Variants in MACF1 observed in about 807,000 individuals in gnomAD.
MACF1 encodes microtubule actin crosslinking factor 1.
A neutral mutation model predicts 854.8 loss-of-function variants in MACF1; 193 were observed. The observed-to-expected ratio is 0.23, with a 90% confidence interval of 0.20 to 0.25. The LOEUF (loss-of-function observed/expected upper bound fraction) is 0.25, where lower values mean the gene tolerates loss of function less well. Among genes scored for constraint, MACF1 ranks in the 10% least tolerant of loss-of-function variants. The pLI, the probability that MACF1 is intolerant of heterozygous loss-of-function variation, is 1.00. For missense variants in MACF1, 7,722 were observed against 8,929.1 expected (o/e 0.86, Z 5.45); for synonymous variants, 3,185 against 3,226.7 (o/e 0.99, Z 0.44).
chr1:39,387,871 A>G lies in MACF1; in HGVS notation c.15029A>G (p.Gln5010Arg). The G allele has an allele frequency of 6.2e-7, 1 of 1,614,096 alleles. No individual in the cohort carries two copies. The highest frequency in any genetic ancestry group is 1.1e-5 in the South Asian group (1 of 91,080). Residue 5010 changes from glutamine to arginine, a missense_variant, in exon 58 of 101, where the codon CAG (glutamine) becomes CGG (arginine). Gln to Arg is a conservative substitution (Grantham distance 43). Coordinates refer to ENST00000564288, the MANE Select transcript of MACF1 (RefSeq NM_001394062.1). Reference protein sequence around the residue: ...AKTGSLEEMTQRLREFQESFK... With the variant: ...AKTGSLEEMTRRLREFQESFK... ...ACAGGGTCACTCGAAGAAATGACTC[A>G]GAGGCTCAGGGAGTTCCAGGAAAGC...
intron 2 of MACF1, chr1:39,102,937 A>G (rs1454843359): frequency 1.0e-5 from 7 of 701,604 alleles, no homozygotes; most frequent in East Asian, 2.7e-5. Flanking sequence ...TTGTTCCTCT[A>G]GCCTTGTAAA....
At chr1:39,104,873 G>T (rs1296840580) in intron 2 of MACF1, among the ~76,000 whole-genome samples, 1 of 152,200 alleles carries the variant, frequency 6.6e-6, no homozygotes, top group Non-Finnish European at 1.5e-5. Flanking sequence ...CTAGCCCTGG[G>T]ATCTGAGGCA....
At chr1:39,211,140 G>A (rs1644510512) in intron 1 of MACF1, among the ~76,000 whole-genome samples, 1 of 151,956 alleles carries the variant, frequency 6.6e-6, no homozygotes, top group Non-Finnish European at 1.5e-5. Context: ...TTTAATTTTT[G>A]TATTTTTAGT....
intron 2 of MACF1, among the ~76,000 whole-genome samples, chr1:39,237,760 G>A (rs1169928805): frequency 1.3e-5 from 2 of 151,226 alleles, no homozygotes; most frequent in Admixed American, 6.6e-5. Context: ...TTAAACGTAA[G>A]GTAAACTCCA....
chr1:39,320,263 C>T (rs1042030555), intron 31 of MACF1, among the ~76,000 whole-genome samples: 1 of 152,146 alleles, frequency 6.6e-6, no homozygotes, highest in Non-Finnish European at 1.5e-5. Context: ...ACTACAGTAC[C>T]CTCTGAGCTG....
chr1:39,180,584 C>CCAGCCTGGGCAA (rs1301857641), intron 2 of MACF1, among the ~76,000 whole-genome samples: 2 of 152,182 alleles, frequency 1.3e-5, no homozygotes, highest in African/African-American at 4.8e-5. Context: ...CCACTAGACT[C>CCAGCCTGGGCAA]CAGCCTGGGC....
chr1:39,410,531 A>C, intron 58 of MACF1: 1 of 1,614,040 alleles, frequency 6.2e-7, no homozygotes, highest in Non-Finnish European at 8.5e-7. Flanking sequence ...AGAGCACCAG[A>C]AGGTAAGAAG....
intron 84 of MACF1, among the ~76,000 whole-genome samples, chr1:39,450,489 A>G (rs1205260040): frequency 6.6e-6 from 1 of 151,910 alleles, no homozygotes; most frequent in Non-Finnish European, 1.5e-5. Flanking sequence ...CCTGTGTGTC[A>G]CTGGGCTATA....
rs375989194 is a variant in MACF1, at chr1:39,441,128, G to A, written c.18570+3G>A. 2 of 1,614,224 alleles carry A rather than the reference G, an allele frequency of 1.2e-6. No individual in the cohort carries two copies. Among genetic ancestry groups the A allele is most frequent in the Non-Finnish European group, 8.5e-7 (1 of 1,180,040 alleles). The stretch of plus-strand genomic sequence containing the variant: ...AAGTGAGGAAGAGCATTGATGAGGT[G>A]TGGAGAAATGGATGAGGCACTCAGT... On this transcript the variant is annotated splice_donor_region_variant and intron_variant, in intron 73 of 100. Transcript: ENST00000564288.
intron 49 of MACF1, among the ~76,000 whole-genome samples, chr1:39,363,864 G>A (rs546420487): frequency 3.9e-5 from 6 of 151,980 alleles, no homozygotes; most frequent in South Asian, 4.1e-4. Context: ...TGCCCGCCTC[G>A]GCCTCCCAAA....
rs1646412891 is a variant in MACF1, at chr1:39,316,404, G to T, written c.3463G>T (p.Asp1155Tyr). The T allele has an allele frequency of 6.2e-7, 1 of 1,610,858 alleles. No individual in the cohort carries two copies. The highest frequency in any genetic ancestry group is 1.3e-5 in the African/African-American group (1 of 74,824). The change falls in exon 28 of 101, where the codon GAT (aspartate) becomes TAT (tyrosine). Residue 1155 changes from aspartate to tyrosine, a missense_variant. Around this residue, in one of 15 missense-constraint regions of MACF1, gnomAD observed 1,137 missense variants for 1,263.0 expected, o/e 0.90. Transcript: ENST00000564288. ...TTGTCCCCACAGGTTAAAGACAGTT[G>T]ATGTTATAGTACGTAGCATACAGGA... is the stretch of plus-strand genomic sequence containing the variant. ...TVYLNKLKTV[D>Y]VIVRSIQDAE...
intron 58 of MACF1, among the ~76,000 whole-genome samples, chr1:39,399,750 C>T (rs1250376044): frequency 2.0e-5 from 3 of 152,154 alleles, no homozygotes; most frequent in African/African-American, 7.2e-5. Flanking sequence ...ACTCACTTGG[C>T]TTTTATCACA....
Position 39,448,690 on chromosome 1 carries a change from A to G in MACF1, c.20185A>G (p.Ser6729Gly), listed in dbSNP as rs775557205. Reference protein sequence around the residue: ...LKEKTLLPEDSQKLDNFLGEV... With the variant: ...LKEKTLLPEDGQKLDNFLGEV... ...AGAAAAGACTTTGCTTCCCGAAGATAGTCAGAAACTTGACAATTTCCTAGG... is the reference window on the plus strand; with the variant it reads ...AGAAAAGACTTTGCTTCCCGAAGATGGTCAGAAACTTGACAATTTCCTAGG... Residue 6729 changes from serine to glycine, a missense_variant, in exon 84 of 101, where the codon AGT becomes GGT. Physicochemically the swap from Ser to Gly is moderately conservative, Grantham distance 56 (BLOSUM62 0). This residue lies in a region of MACF1 where 729 missense variants were observed against 900.5 expected (regional missense o/e 0.81). Coordinates refer to ENST00000564288, the MANE Select transcript of MACF1 (RefSeq NM_001394062.1). 3.7e-6 allele frequency: 6 copies of G among 1,613,620 alleles called. No individual in the cohort carries two copies. The highest frequency in any genetic ancestry group is 8.5e-7 in the Non-Finnish European group (1 of 1,179,644).
At position 39,428,274 on chromosome 1, in the gene MACF1, A is replaced by G; in HGVS notation, c.16790A>G (p.His5597Arg). Residue 5597 changes from histidine (H) to arginine (R), a missense_variant, in exon 63 of 101, where the codon CAT becomes CGT. His to Arg is a conservative substitution (Grantham distance 29). Transcript: ENST00000564288. ...DFKQDVLHRQHADHLALNEEI... is the reference protein window; with the variant it reads ...DFKQDVLHRQRADHLALNEEI... ...AAACAGGATGTCCTGCACAGGCAGC[A>G]TGCTGACCACCTGGTATTCATGTTT... The G allele has an allele frequency of 6.2e-7, 1 of 1,610,068 alleles. No individual in the cohort carries two copies. The highest frequency in any genetic ancestry group is 8.5e-7 in the Non-Finnish European group (1 of 1,177,740).
chr1:39,385,726 C>G lies in MACF1; in HGVS notation c.14141C>G (p.Thr4714Ser). The change falls in exon 57 of 101, where the codon ACC becomes AGC. Residue 4714 changes from threonine (T) to serine (S), a missense_variant. Coordinates refer to ENST00000564288, the MANE Select transcript of MACF1 (RefSeq NM_001394062.1). ...QRLSVQSAIS[T>S]QPEAVKQQLE... ...CTGAGTGTCCAGTCAGCTATCAGCA[C>G]CCAACCAGAGGCTGTAAAGCAGCAA... 6.2e-7 allele frequency: 1 copy of G among 1,614,102 alleles called. No homozygotes were observed. Among genetic ancestry groups the G allele is most frequent in the Non-Finnish European group, 8.5e-7 (1 of 1,180,026 alleles).
chr1:39,342,196 A>G (rs541270289), intron 40 of MACF1, among the ~76,000 whole-genome samples: 3 of 152,172 alleles, frequency 2.0e-5, no homozygotes, highest in Admixed American at 1.3e-4. Context: ...AATGGCCTCC[A>G]GCTCCATCCA....
intron 79 of MACF1, among the ~76,000 whole-genome samples, chr1:39,443,867 T>C (rs1469581827): frequency 6.6e-6 from 1 of 152,186 alleles, no homozygotes; most frequent in Non-Finnish European, 1.5e-5. Flanking sequence ...AACACAGATG[T>C]GCTTTCACTT....
chr1:39,217,841 G>A (rs937826199), intron 1 of MACF1, among the ~76,000 whole-genome samples: 9 of 150,400 alleles, frequency 6.0e-5, no homozygotes, highest in East Asian at 2.0e-4. Context: ...TCAGTGAGCC[G>A]GGATCCACTC....
chr1:39,410,892 T>A (rs2148612941), intron 58 of MACF1: 2 of 1,614,024 alleles, frequency 1.2e-6, no homozygotes, highest in Non-Finnish European at 1.7e-6. Flanking sequence ...TGCAAGATTT[T>A]AAAAACTTAA....
Sources: gnomAD v4.1 joint callset for allele counts (sites outside exome capture counted in the v4.1 genomes callset) on GRCh38, gnomAD v4.1.1 for gene constraint, gnomAD v4.1.1 regional missense constraint, MANE v1.5 for transcripts, NCBI Gene and HGNC (gene_info 2026-07-23, HGNC 2026-07-21) for gene names.